VPS13D: variants seen among roughly 807,000 people sequenced by gnomAD.
VPS13D encodes the protein vacuolar protein sorting 13 homolog D.
Under a neutral mutation model 461.9 loss-of-function variants are expected in VPS13D, and 187 were observed. That is an observed-to-expected ratio of 0.40 (90% CI 0.36 to 0.46). The LOEUF (loss-of-function observed/expected upper bound fraction) is 0.46, where lower values mean the gene tolerates loss of function less well. VPS13D is among the 20% of genes least tolerant of loss of function. VPS13D has a pLI of 0.60. For missense variants in VPS13D, 4,711 were observed against 5,364.9 expected (o/e 0.88, Z 3.81); for synonymous variants, 1,951 against 1,986.3 (o/e 0.98, Z 0.47).
At chr1:12,499,787 T>C (rs1157720936) in intron 68 of VPS13D, 1 of 985,320 alleles carries the variant, frequency 1.0e-6, no homozygotes, top group African/African-American at 1.7e-5. Flanking sequence ...GTGTCGCATG[T>C]TCCTCTGAAG....
At chr1:12,476,698 A>G (rs1055078066) in intron 67 of VPS13D, among the ~76,000 whole-genome samples, 1 of 152,170 alleles carries the variant, frequency 6.6e-6, no homozygotes, top group Non-Finnish European at 1.5e-5. Flanking sequence ...TCTCTATAAC[A>G]CTATATTTTA....
Position 12,311,447 on chromosome 1 carries a change from T to C in VPS13D, c.6651-7T>C. The C allele has an allele frequency of 6.3e-7, 1 of 1,596,356 alleles. No homozygotes were observed. The highest frequency in any genetic ancestry group is 1.4e-5 in the African/African-American group (1 of 74,062). On this transcript the variant is annotated splice_region_variant and splice_polypyrimidine_tract_variant and intron_variant, in intron 27 of 69. Coordinates refer to ENST00000620676, the MANE Select transcript of VPS13D (RefSeq NM_015378.4). ...TCTGTGTAAGTGATCTTTTTTCTTT[T>C]TCATAGAGAAATAAGTCATACTGTG...
intron 52 of VPS13D, among the ~76,000 whole-genome samples, chr1:12,364,689 T>C (rs1003160993): frequency 1.3e-5 from 2 of 152,248 alleles, no homozygotes; most frequent in Non-Finnish European, 2.9e-5. Flanking sequence ...GTCCCGCCTC[T>C]GTATAATGGG....
At chr1:12,479,430 CGG>C (rs928304746) in intron 67 of VPS13D, among the ~76,000 whole-genome samples, 3 of 152,210 alleles carry the variant, frequency 2.0e-5, no homozygotes, top group African/African-American at 7.2e-5. Context: ...GACACCTGCT[CGG>C]GATGACAGTG....
At chr1:12,328,448 G>A (rs1643248393) in intron 36 of VPS13D, among the ~76,000 whole-genome samples, 1 of 150,426 alleles carries the variant, frequency 6.6e-6, no homozygotes, top group Non-Finnish European at 1.5e-5. Context: ...CAGTTCTCCT[G>A]CTTCCCGAGT....
intron 60 of VPS13D, among the ~76,000 whole-genome samples, chr1:12,398,696 T>C (rs745503639): frequency 1.3e-5 from 2 of 152,182 alleles, no homozygotes; most frequent in Non-Finnish European, 2.9e-5. Context: ...TGATCAGGGC[T>C]GTGTAAATAG....
chr1:12,375,071 T>C (rs1355605121), intron 55 of VPS13D, among the ~76,000 whole-genome samples: 2 of 152,178 alleles, frequency 1.3e-5, no homozygotes, highest in Admixed American at 1.3e-4. Context: ...TTTCTTATCT[T>C]TGGCCAGTGG....
At chr1:12,250,704 G>A (rs1447853699) in intron 6 of VPS13D, among the ~76,000 whole-genome samples, 1 of 152,230 alleles carries the variant, frequency 6.6e-6, no homozygotes, top group Non-Finnish European at 1.5e-5. Flanking sequence ...ACCCTACTGA[G>A]GACACTACGG....
chr1:12,368,077 G>A (rs555072761), intron 52 of VPS13D, among the ~76,000 whole-genome samples: 215 of 152,164 alleles, frequency 1.4e-3, no homozygotes, highest in Non-Finnish European at 2.5e-3. Context: ...AGCCAGAAAT[G>A]CTGATTTTTA....
chr1:12,335,223 C>T (rs923819706), intron 38 of VPS13D, among the ~76,000 whole-genome samples: 9 of 152,148 alleles, frequency 5.9e-5, no homozygotes, highest in African/African-American at 9.7e-5. Flanking sequence ...CACGCCACCA[C>T]GCCTACATAA....
intron 54 of VPS13D, among the ~76,000 whole-genome samples, chr1:12,372,782 G>A (rs1468566536): frequency 2.7e-5 from 4 of 149,460 alleles, no homozygotes; most frequent in African/African-American, 4.9e-5. Context: ...AGTTTTTAAC[G>A]CTGAATTAAT....
intron 7 of VPS13D, 112 bp from the exon 8 acceptor site, chr1:12,256,221 A>G (rs1423599710): frequency 2.8e-5 from 35 of 1,240,814 alleles, no homozygotes; most frequent in Non-Finnish European, 3.8e-5. Flanking sequence ...TGCCGCTGTG[A>G]CACAGCCTAT....
intron 62 of VPS13D, among the ~76,000 whole-genome samples, chr1:12,403,307 C>A (rs1644604204): frequency 1.3e-5 from 2 of 152,188 alleles, no homozygotes; most frequent in African/African-American, 4.8e-5. Flanking sequence ...GGATGTCCAC[C>A]ATTTGGGAGA....
chr1:12,385,140 T>A (rs1235033331), intron 58 of VPS13D, 120 bp from the exon 59 acceptor site: 1 of 768,944 alleles, frequency 1.3e-6, no homozygotes, highest in Non-Finnish European at 2.1e-6. Flanking sequence ...TGGAAACCAT[T>A]CGCTTCCATA....
intron 37 of VPS13D, among the ~76,000 whole-genome samples, chr1:12,332,729 GTAT>G (rs1333413329): frequency 6.6e-6 from 1 of 152,050 alleles, no homozygotes; most frequent in African/African-American, 2.4e-5. Context: ...AGTGTTAGTG[GTAT>G]TATTTTATAT....
At chr1:12,326,738 G>C (rs544715622) in intron 35 of VPS13D, among the ~76,000 whole-genome samples, 2 of 151,958 alleles carry the variant, frequency 1.3e-5, no homozygotes, top group East Asian at 3.9e-4. Context: ...CCGCCTCCCA[G>C]GTGCAAGCGA....
intron 1 of VPS13D, among the ~76,000 whole-genome samples, chr1:12,231,589 A>G (rs1439883010): frequency 6.6e-6 from 1 of 152,244 alleles, no homozygotes; most frequent in Non-Finnish European, 1.5e-5. Flanking sequence ...AATAACTACA[A>G]AAATAAAGAG....
chr1:12,425,175 T>C (rs1020635476), intron 65 of VPS13D, among the ~76,000 whole-genome samples: 1 of 152,188 alleles, frequency 6.6e-6, no homozygotes, highest in African/African-American at 2.4e-5. Context: ...TTGTTCTTTC[T>C]AAAAGTCTGT....
At position 12,390,850 on chromosome 1, in the gene VPS13D, G is replaced by T. The variant is rs918832624; in HGVS notation, c.11634+4516G>T. Among the ~76,000 whole-genome samples the T allele has an allele frequency of 2.4e-4, 37 of 152,318 alleles. 1 individual carries two copies. The highest frequency in any genetic ancestry group is 8.9e-4 in the African/African-American group (37 of 41,568). The stretch of plus-strand genomic sequence containing the variant: ...TGCCACCATGGCCACTTTGTTCATA[G>T]TCCCAGTGGGCGATGGCAGGAGTGG... On this transcript the variant is annotated intron_variant, in intron 60 of 69. Coordinates refer to ENST00000620676, the MANE Select transcript of VPS13D (RefSeq NM_015378.4).
Sources: allele counts gnomAD v4.1 joint callset (sites outside exome capture counted in the v4.1 genomes callset), GRCh38; gene constraint gnomAD v4.1.1; transcripts MANE v1.5; gene names NCBI Gene and HGNC (gene_info 2026-07-23, HGNC 2026-07-21).